BRINP3: variants seen among roughly 807,000 people sequenced by gnomAD.
BRINP3 encodes BMP/retinoic acid inducible neural specific 3.
Under a neutral mutation model 71.0 loss-of-function variants are expected in BRINP3, and 19 were observed. The ratio of observed to expected loss-of-function variants is 0.27; its 90% confidence interval spans 0.19 to 0.39. The LOEUF (loss-of-function observed/expected upper bound fraction) is 0.39. BRINP3 is among the 10% of genes least tolerant of loss of function. The pLI is 1.00. For synonymous variants in BRINP3, 380 were observed against 337.7 expected, an observed-to-expected ratio of 1.13 and a Z score of -1.37; for missense variants, 959 against 940.8, an observed-to-expected ratio of 1.02 and a Z score of -0.25.
chr1:190,135,835 G>A (rs1654926966), intron 7 of BRINP3, among the ~76,000 whole-genome samples: 1 of 151,966 alleles, frequency 6.6e-6, no homozygotes, highest in African/African-American at 2.4e-5. Flanking sequence ...ATGCAGCACA[G>A]CATATATCAT....
intron 5 of BRINP3, among the ~76,000 whole-genome samples, chr1:190,229,954 G>A (rs979932877): frequency 1.3e-5 from 2 of 151,664 alleles, no homozygotes; most frequent in African/African-American, 2.4e-5. Flanking sequence ...TAACAAAACA[G>A]ACAATATGGC....
chr1:190,402,970 G>GC (rs1280600255), intron 2 of BRINP3, among the ~76,000 whole-genome samples: 3 of 152,074 alleles, frequency 2.0e-5, no homozygotes, highest in Non-Finnish European at 4.4e-5. Context: ...CAAGCTACCT[G>GC]CCCACCTCGG....
chr1:190,251,457 G>GTCCCA (rs1660134516), intron 4 of BRINP3, among the ~76,000 whole-genome samples: 1 of 151,888 alleles, frequency 6.6e-6, no homozygotes, highest in African/African-American at 2.4e-5. Context: ...AATACGTAGT[G>GTCCCA]ATATTGGGAC....
chr1:190,142,142 T>C (rs6674508), intron 7 of BRINP3, among the ~76,000 whole-genome samples: 20,715 of 152,128 alleles, frequency 0.14, 2,093 homozygotes, highest in African/African-American at 0.26. Flanking sequence ...GAATTAGACT[T>C]TATTAATGGC....
At position 190,442,433 on chromosome 1, in the gene BRINP3, AG is replaced by A. The variant is rs1477211639; in HGVS notation, c.236+12221del. Among the ~76,000 whole-genome samples the A allele has an allele frequency of 2.0e-5, 3 of 152,180 alleles. No individual in the cohort carries two copies. The East Asian group carries it at 5.8e-4, about 29-fold the overall frequency. ...TTAGCTACTAATATCTGTTTAAATG[AG>A]CAGCCAGGGAACTGTCCATCACAAT... is the stretch of plus-strand genomic sequence containing the variant. On this transcript the variant is annotated intron_variant, in intron 2 of 7. Transcript: ENST00000367462.
chr1:190,135,988 A>G (rs897386529), intron 7 of BRINP3, among the ~76,000 whole-genome samples: 8 of 152,090 alleles, frequency 5.3e-5, no homozygotes, highest in Admixed American at 3.9e-4. Flanking sequence ...AAATGTACTT[A>G]AAATTAAGTC....
chr1:190,159,979 A>G (rs1657206728), intron 7 of BRINP3, among the ~76,000 whole-genome samples: 1 of 152,040 alleles, frequency 6.6e-6, no homozygotes. Context: ...ATTTTATGTA[A>G]GATATACTGA....
At chr1:190,325,402 G>A (rs1451417285) in intron 2 of BRINP3, among the ~76,000 whole-genome samples, 1 of 151,914 alleles carries the variant, frequency 6.6e-6, no homozygotes, top group East Asian at 1.9e-4. Flanking sequence ...ACCATATTTA[G>A]CATACATTGA....
At chr1:190,113,938 A>G (rs1330259348) in intron 7 of BRINP3, among the ~76,000 whole-genome samples, 1 of 152,202 alleles carries the variant, frequency 6.6e-6, no homozygotes, top group Non-Finnish European at 1.5e-5. Flanking sequence ...TCAACAGTCT[A>G]CATTCTACCT....
intron 3 of BRINP3, among the ~76,000 whole-genome samples, chr1:190,276,909 T>G (rs974030876): frequency 6.7e-5 from 10 of 150,310 alleles, no homozygotes; most frequent in Non-Finnish European, 1.2e-4. Context: ...ATGAAAAAAG[T>G]ATATTGTAAC....
At chr1:190,379,461 G>T (rs1373133259) in intron 2 of BRINP3, among the ~76,000 whole-genome samples, 1 of 152,120 alleles carries the variant, frequency 6.6e-6, no homozygotes, top group African/African-American at 2.4e-5. Flanking sequence ...TAAAAAGTAG[G>T]AGATTCTATT....
At chr1:190,294,291 C>T (rs1219030787) in intron 2 of BRINP3, among the ~76,000 whole-genome samples, 2 of 148,972 alleles carry the variant, frequency 1.3e-5, no homozygotes, top group Non-Finnish European at 3.0e-5. Context: ...CAGGGTCTCA[C>T]TCTGTTGCCT....
At chr1:190,321,724 C>T (rs918412624) in intron 2 of BRINP3, among the ~76,000 whole-genome samples, 6 of 151,968 alleles carry the variant, frequency 3.9e-5, no homozygotes, top group African/African-American at 7.2e-5. Context: ...AAAGAATCGC[C>T]TCAATGTATT....
chr1:190,267,012 C>CA (rs373752892), intron 3 of BRINP3, among the ~76,000 whole-genome samples: 7 of 152,198 alleles, frequency 4.6e-5, no homozygotes, highest in African/African-American at 1.7e-4. Flanking sequence ...GCTTTAACAG[C>CA]AACACTTTTC....
At chr1:190,099,882 T>G (rs1052206297) in intron 7 of BRINP3, among the ~76,000 whole-genome samples, 3 of 152,230 alleles carry the variant, frequency 2.0e-5, no homozygotes, top group Non-Finnish European at 2.9e-5. Context: ...CTCATCAGGT[T>G]AATCATGATT....
intron 2 of BRINP3, among the ~76,000 whole-genome samples, chr1:190,404,553 T>A (rs1469263101): frequency 6.6e-6 from 1 of 152,180 alleles, no homozygotes; most frequent in Non-Finnish European, 1.5e-5. Flanking sequence ...CATTAACCAA[T>A]GTAAGAAAAC....
At chr1:190,209,532 C>A (rs12129085) in intron 6 of BRINP3, among the ~76,000 whole-genome samples, 58,515 of 151,898 alleles carry the variant, frequency 0.39, 12,653 homozygotes, top group Non-Finnish European at 0.49. Flanking sequence ...GCTGGAAGGT[C>A]GACTTTCTTA....
At chr1:190,191,960 T>C in intron 6 of BRINP3, among the ~76,000 whole-genome samples, 1 of 152,254 alleles carries the variant, frequency 6.6e-6, no homozygotes, top group South Asian at 2.1e-4. Flanking sequence ...ATATGTTAGT[T>C]AAATCAAATG....
intron 6 of BRINP3, among the ~76,000 whole-genome samples, chr1:190,164,736 C>G (rs777875639): frequency 4.6e-5 from 7 of 151,872 alleles, no homozygotes; most frequent in Admixed American, 2.0e-4. Context: ...GATTACATGC[C>G]TAGCTAATAT....
Sources: allele counts gnomAD v4.1 joint callset (sites outside exome capture counted in the v4.1 genomes callset), GRCh38; gene constraint gnomAD v4.1.1; transcripts MANE v1.5; gene names NCBI Gene and HGNC (gene_info 2026-07-23, HGNC 2026-07-21).